DUOX2: variants seen among roughly 807,000 people sequenced by gnomAD.
DUOX2 encodes the protein NADH/NADPH thyroid oxidase p138-tox.
A neutral mutation model predicts 183.3 loss-of-function variants in DUOX2; 185 were observed. The ratio of observed to expected loss-of-function variants is 1.01; its 90% confidence interval spans 0.90 to 1.14. DUOX2 has a LOEUF of 1.14. DUOX2 is among the 50% of genes most tolerant of loss of function. The probability of loss-of-function intolerance (pLI) is 0.00; values close to 1 mark genes in which losing one functional copy is unlikely to be tolerated. For synonymous variants in DUOX2, 788 were observed against 812.4 expected (o/e 0.97, Z 0.51); for missense variants, 1,999 against 2,022.9 (o/e 0.99, Z 0.23).
rs1878774150 is a variant in DUOX2, at chr15:45,094,272, C to T, written c.4525G>A (p.Val1509Met). 3 of 1,614,128 alleles carry T rather than the reference C, an allele frequency of 1.9e-6. No individual in the cohort carries two copies. The highest frequency in any genetic ancestry group is 2.2e-5 in the South Asian group (2 of 91,070). Reference sequence around the variant, plus strand: ...CAGCTGAACACCCCGATCTTGCGCACCTGTCAGGAGATTGGAGAGAGAGAG... The same window carrying T: ...CAGCTGAACACCCCGATCTTGCGCATCTGTCAGGAGATTGGAGAGAGAGAG... ...FNSLQEVHPQ[V>M]RKIGVFSCGP... Residue 1509 changes from valine to methionine, a missense_variant and splice_region_variant, in exon 34 of 34, where the codon GTG becomes ATG. By Grantham distance (21) the Val-to-Met change is conservative. Around this residue, in one of 3 missense-constraint regions of DUOX2, gnomAD observed 1,628 missense variants for 1,608.6 expected, o/e 1.01. Transcript: ENST00000389039.
intron 26 of DUOX2, 122 bp from the exon 27 acceptor site, chr15:45,098,180 T>C (rs1334922980): frequency 1.1e-6 from 1 of 922,454 alleles, no homozygotes; most frequent in Non-Finnish European, 1.7e-6. Context: ...CTCCACCCAG[T>C]TGGCCAGGGA....
intron 24 of DUOX2, 65 bp downstream of exon 24, chr15:45,099,985 T>C: frequency 6.2e-7 from 1 of 1,613,240 alleles, no homozygotes; most frequent in South Asian, 1.1e-5. Flanking sequence ...ATCAGAGGGC[T>C]TTCCACTCCT....
At chr15:45,110,550 G>A (rs540065615) in intron 8 of DUOX2, 26 bp from the exon 9 acceptor site, 2 of 1,613,874 alleles carry the variant, frequency 1.2e-6, no homozygotes, top group South Asian at 2.2e-5. Flanking sequence ...GGTGATGATG[G>A]GGAGACAGGC....
At position 45,101,845 on chromosome 15, in the gene DUOX2, G is replaced by A. The variant is rs760327194; in HGVS notation, c.2799C>T (p.Ser933=). The A allele has an allele frequency of 2.9e-5, 47 of 1,614,034 alleles. No homozygotes were observed. The highest frequency in any genetic ancestry group is 4.5e-5 in the East Asian group (2 of 44,898). Residue 933 remains serine, a synonymous_variant, in exon 21 of 34, where the codon AGC becomes AGT. Transcript: ENST00000389039. ...CACAGAGCTGCGTGAAGCGGAGCTC[G>A]CTGTCATGGTCCCGCAGCATGAAGT... ...DFHFMLRDHD[S]ELRFTQLCVK...
At position 45,095,900 on chromosome 15, in the gene DUOX2, C is replaced by A. The variant is rs947907970; in HGVS notation, c.4008G>T (p.Val1336=). The A allele has an allele frequency of 6.2e-7, 1 of 1,613,794 alleles. No homozygotes were observed. Among genetic ancestry groups the A allele is most frequent in the Admixed American group, 1.7e-5 (1 of 59,994 alleles). The change falls in exon 30 of 34, where the codon GTG becomes GTT. Residue 1336 remains valine (V), a synonymous_variant. Coordinates refer to ENST00000389039, the MANE Select transcript of DUOX2 (RefSeq NM_001363711.2). ...EDTLSLHIRA[V]GPWTTRLREI... ...CCCTGAGGCGAGTGGTCCAGGGCCCCACTGCCCGGATGTGCAGGCTGAGTG... is the reference window on the plus strand; with the variant it reads ...CCCTGAGGCGAGTGGTCCAGGGCCCAACTGCCCGGATGTGCAGGCTGAGTG...
chr15:45,094,212 C>A lies in DUOX2; in HGVS notation c.4585G>T (p.Ala1529Ser). 1 of 1,614,128 alleles carries A rather than the reference C, an allele frequency of 6.2e-7. No homozygotes were observed. Reference sequence around the variant, plus strand: ...TCCTGCCTGTTGACGAGCTGACAGGCCTTCTCTACATTCTTGGTCATTCCT... The same window carrying A: ...TCCTGCCTGTTGACGAGCTGACAGGACTTCTCTACATTCTTGGTCATTCCT... ...PPGMTKNVEK[A>S]CQLVNRQDRA... is the part of the protein sequence containing the mutation. The change falls in exon 34 of 34, where the codon GCC becomes TCC. Residue 1529 changes from alanine to serine, a missense_variant. This residue lies in a region of DUOX2 where 1,628 missense variants were observed against 1,608.6 expected (regional missense o/e 1.01). Transcript: ENST00000389039.
At chr15:45,104,493 A>C in intron 18 of DUOX2, 128 bp from the exon 19 acceptor site, 1 of 1,260,622 alleles carries the variant, frequency 7.9e-7, no homozygotes, top group South Asian at 1.4e-5. Flanking sequence ...GGTTCTCCTG[A>C]TCCTTAGATA....
Position 45,097,242 on chromosome 15 carries a change from G to C in DUOX2, c.3843C>G (p.Pro1281=). ...EISVVKAELL[P]SGVTYLQFQR... ...AGGTCAGGCTGGGCCTGATACCTGA[G>C]GGCAGCAGCTCCGCCTTCACCACGC... The change falls in exon 29 of 34, where the codon CCC becomes CCG. Residue 1281 remains proline, a synonymous_variant. Transcript: ENST00000389039. 1.2e-6 allele frequency: 2 copies of C among 1,614,210 alleles called. No individual in the cohort carries two copies. Among genetic ancestry groups the C allele is most frequent in the Non-Finnish European group, 1.7e-6 (2 of 1,180,052 alleles).
Position 45,112,638 on chromosome 15 carries a change from G to A in DUOX2, c.241C>T (p.Pro81Ser), listed in dbSNP as rs200595348. 29 of 1,612,942 alleles carry A rather than the reference G, an allele frequency of 1.8e-5. No homozygotes were observed. In the Admixed American group the frequency reaches 4.7e-4, roughly 26 times the overall value. Residue 81 changes from proline (P) to serine (S), a missense_variant, in exon 4 of 34, where the codon CCG (proline) becomes TCG (serine). Coordinates refer to ENST00000389039, the MANE Select transcript of DUOX2 (RefSeq NM_001363711.2). ...QALEEPQLPN[P>S]RRLSNAATRG... The stretch of plus-strand genomic sequence containing the variant: ...GTGGCTGCGTTGCTGAGCCGGCGCG[G>A]GTTGGGCAGCTGCGGCTCCTCCAGA...
chr15:45,108,287 C>T, intron 12 of DUOX2, 65 bp from the exon 13 acceptor site: 7 of 1,576,072 alleles, frequency 4.4e-6, no homozygotes, highest in Non-Finnish European at 6.1e-6. Context: ...ACTGTTGCCC[C>T]ATCCCTCGGG....
chr15:45,094,967 G>C lies in DUOX2; in HGVS notation c.4364C>G (p.Ala1455Gly), dbSNP rs1893862119. 1 of 1,614,000 alleles carries C rather than the reference G, an allele frequency of 6.2e-7. No homozygotes were observed. Among genetic ancestry groups the C allele is most frequent in the African/African-American group, 1.3e-5 (1 of 74,906 alleles). Residue 1455 changes from alanine (A) to glycine (G), a missense_variant, in exon 32 of 34, where the codon GCT becomes GGT. Around this residue, in one of 3 missense-constraint regions of DUOX2, gnomAD observed 1,628 missense variants for 1,608.6 expected, o/e 1.01. Transcript: ENST00000389039. ...GGTGGTCCTGAGGTCGAACTTCTCAGCCAGCTGGGTGACATAAATGTGCAC... is the reference window on the plus strand; with the variant it reads ...GGTGGTCCTGAGGTCGAACTTCTCACCCAGCTGGGTGACATAAATGTGCAC... ...VSVHIYVTQLAEKFDLRTTML... is the reference protein window; with the variant it reads ...VSVHIYVTQLGEKFDLRTTML...
At chr15:45,100,933 C>T in intron 22 of DUOX2, 95 bp from the exon 23 acceptor site, 1 of 855,214 alleles carries the variant, frequency 1.2e-6, no homozygotes, top group South Asian at 1.5e-5. Context: ...GGAGTGGCTC[C>T]TGGTACCAGG....
chr15:45,106,945 T>C lies in DUOX2; in HGVS notation c.1718A>G (p.Gln573Arg), dbSNP rs748027232. ...HKGAPCPQPK[Q>R]LTTDGLPQCA... Reference sequence around the variant, plus strand: ...CTGGGGCAGGCCGTCAGTTGTGAGCTGCTTAGGTTGAGGGCAGGGTGCACC... The same window carrying C: ...CTGGGGCAGGCCGTCAGTTGTGAGCCGCTTAGGTTGAGGGCAGGGTGCACC... The change falls in exon 15 of 34, where the codon CAG becomes CGG. Residue 573 changes from glutamine to arginine, a missense_variant. Gln to Arg is a conservative substitution (Grantham distance 43). Around this residue, in one of 3 missense-constraint regions of DUOX2, gnomAD observed 1,628 missense variants for 1,608.6 expected, o/e 1.01. Coordinates refer to ENST00000389039, the MANE Select transcript of DUOX2 (RefSeq NM_001363711.2). The C allele has an allele frequency of 3.8e-6, 6 of 1,578,802 alleles. No individual in the cohort carries two copies. The East Asian group carries it at 1.4e-4, about 36-fold the overall frequency.
intron 23 of DUOX2, 137 bp downstream of exon 23, chr15:45,100,618 C>A: frequency 1.2e-6 from 1 of 828,494 alleles, no homozygotes; most frequent in Non-Finnish European, 2.1e-6. Context: ...AACACTGTAA[C>A]CTCTCAGTCA....
In DUOX2 at chr15:45,097,304, T is replaced by C. The variant is rs1314806570; in HGVS notation, c.3781A>G (p.Lys1261Glu). 1 of 1,614,240 alleles carries C rather than the reference T, an allele frequency of 6.2e-7. No homozygotes were observed. Among genetic ancestry groups the C allele is most frequent in the Non-Finnish European group, 8.5e-7 (1 of 1,180,044 alleles). Residue 1261 changes from lysine (K) to glutamate (E), a missense_variant, in exon 29 of 34, where the codon AAG (lysine) becomes GAG (glutamate). This residue lies in a region of DUOX2 where 1,628 missense variants were observed against 1,608.6 expected (regional missense o/e 1.01). Transcript: ENST00000389039. ...TTCTTCCGGCTCAGGCTCACCAGCT[T>C]GTCACCTCCATAGATGATTGCCGGG... ...LVPAIIYGGDKLVSLSRKKVE... is the reference protein window; with the variant it reads ...LVPAIIYGGDELVSLSRKKVE...
Position 45,111,385 on chromosome 15 carries a change from G to A in DUOX2, c.714C>T (p.Tyr238=). 3 of 1,446,128 alleles carry A rather than the reference G, an allele frequency of 2.1e-6. No homozygotes were observed. Among genetic ancestry groups the A allele is most frequent in the South Asian group, 1.4e-5 (1 of 69,100 alleles). 89.6% of individuals were successfully genotyped at this position (1,446,128 alleles called of 1,614,324 possible). The change falls in exon 6 of 34, where the codon TAC becomes TAT. Residue 238 remains tyrosine (Y), a splice_region_variant and synonymous_variant. Coordinates refer to ENST00000389039, the MANE Select transcript of DUOX2 (RefSeq NM_001363711.2). The part of the protein sequence containing the change: ...ATGQNGPRGL[Y]AFGAERGNRE... Reference sequence around the variant, plus strand: ...CCCGTCCCGCCCCTGTGGCCTCACCGTACAGCCCCCGGGGCCCGTTCTGCC... The same window carrying A: ...CCCGTCCCGCCCCTGTGGCCTCACCATACAGCCCCCGGGGCCCGTTCTGCC...
Position 45,107,455 on chromosome 15 carries a change from G to A in DUOX2, c.1583C>T (p.Ser528Phe), listed in dbSNP as rs1357154164. ...WFENTRNGLF[S>F]KKEIEDIRNT... is the part of the protein sequence containing the mutation. ...TCGGATGTCTTCAATCTCCTTCTTG[G>A]AGAACAGCCTAAGTTGGAGGAAGTA... The change falls in exon 14 of 34, where the codon TCC becomes TTC. Residue 528 changes from serine (S) to phenylalanine (F), a missense_variant. This residue lies in a region of DUOX2 where 1,628 missense variants were observed against 1,608.6 expected (regional missense o/e 1.01). Coordinates refer to ENST00000389039, the MANE Select transcript of DUOX2 (RefSeq NM_001363711.2). 1 of 1,614,148 alleles carries A rather than the reference G, an allele frequency of 6.2e-7. No individual in the cohort carries two copies. The highest frequency in any genetic ancestry group is 2.2e-5 in the East Asian group (1 of 44,886).
chr15:45,108,489 AG>A, intron 12 of DUOX2: 1 of 596,084 alleles, frequency 1.7e-6, no homozygotes, highest in South Asian at 2.0e-5. Flanking sequence ...TAGCAGCTTC[AG>A]GGGCACACAG....
chr15:45,109,656 C>CCTCTACCCAAAACTCGGT (rs779216263), intron 10 of DUOX2, 30 bp from the exon 11 acceptor site: 43 of 1,608,944 alleles, frequency 2.7e-5, no homozygotes, highest in Admixed American at 1.3e-4. Flanking sequence ...TCAAGATAGG[C>CCTCTACCCAAAACTCGGT]CTCTACCCAA....
Sources: gnomAD v4.1 joint callset for allele counts on GRCh38, gnomAD v4.1.1 for gene constraint, gnomAD v4.1.1 regional missense constraint, MANE v1.5 for transcripts, NCBI Gene and HGNC (gene_info 2026-07-23, HGNC 2026-07-21) for gene names.